Variants in ADAM12 observed in about 807,000 individuals in gnomAD.
ADAM12 encodes the protein disintegrin and metalloproteinase domain-containing protein 12.
Under a neutral mutation model 106.4 loss-of-function variants are expected in ADAM12, and 70 were observed. The observed-to-expected ratio is 0.66, with a 90% CI of 0.54 to 0.80. The LOEUF (loss-of-function observed/expected upper bound fraction) is 0.80, where lower values mean the gene tolerates loss of function less well. ADAM12 is among the 30% of genes least tolerant of loss of function. The probability of loss-of-function intolerance (pLI) is 0.00; values close to 1 mark genes in which losing one functional copy is unlikely to be tolerated. For missense variants in ADAM12, 1,010 were observed against 1,171.9 expected, an observed-to-expected ratio of 0.86 and a Z score of 2.02; for synonymous variants, 420 against 433.5, an observed-to-expected ratio of 0.97 and a Z score of 0.39.
chr10:126,132,524 A>ACC lies in ADAM12; in HGVS notation c.416+3058_416+3059dup, dbSNP rs35812837. ...ATTATCCCAGGAGTGCTGCATGAAC[A>ACC]CCCCCCCCCCCTCAACTAGTCCAGT... On this transcript the variant is annotated intron_variant, in intron 5 of 22. Transcript: ENST00000448723. Among the ~76,000 whole-genome samples, 70 of 120,974 alleles carry ACC rather than the reference A, an allele frequency of 5.8e-4. 2 individuals are homozygous for ACC. The highest frequency in any genetic ancestry group is 4.4e-3 in the Middle Eastern group (1 of 226). 79.4% of individuals were successfully genotyped at this position (120,974 alleles called of 152,430 possible). A position where few individuals can be genotyped will look rare whatever the true frequency, so the allele number is the denominator to read the frequency against.
At chr10:126,282,632 GT>G (rs1368651987) in intron 2 of ADAM12, among the ~76,000 whole-genome samples, 13 of 152,064 alleles carry the variant, frequency 8.5e-5, no homozygotes, top group African/African-American at 2.7e-4. Context: ...TATACATATG[GT>G]TGTATACAGC....
rs1220227274 is a variant in ADAM12, at chr10:126,071,652, T to A, written c.1148A>T (p.Tyr383Phe). 3 of 1,613,998 alleles carry A rather than the reference T, an allele frequency of 1.9e-6. No homozygotes were observed. Among genetic ancestry groups the A allele is most frequent in the Non-Finnish European group, 2.5e-6 (3 of 1,179,934 alleles). Reference sequence around the variant, plus strand: ...ACTGCTGAACACCATGGGAAATGGGTACCTGAGAAAGGAGAGCCCAGAACA... The same window carrying A: ...ACTGCTGAACACCATGGGAAATGGGAACCTGAGAAAGGAGAGCCCAGAACA... Reference protein sequence around the residue: ...GGCIMNASTGYPFPMVFSSCS... With the variant: ...GGCIMNASTGFPFPMVFSSCS... Residue 383 changes from tyrosine (Y) to phenylalanine (F), a missense_variant and splice_region_variant, in exon 12 of 23, where the codon TAC (tyrosine) becomes TTC (phenylalanine). Coordinates refer to ENST00000448723, the MANE Select transcript of ADAM12 (RefSeq NM_001288973.2).
chr10:126,320,732 T>C (rs1020680909), intron 2 of ADAM12, among the ~76,000 whole-genome samples: 1 of 152,180 alleles, frequency 6.6e-6, no homozygotes, highest in African/African-American at 2.4e-5. Flanking sequence ...ATCCTAATCC[T>C]TTCTGGAAGT....
chr10:126,158,831 G>A (rs1381530355), intron 3 of ADAM12, among the ~76,000 whole-genome samples: 2 of 148,102 alleles, frequency 1.4e-5, no homozygotes, highest in Admixed American at 6.7e-5. Context: ...GCAGAGCACG[G>A]GGAGTAGATG....
At chr10:126,068,238 T>C (rs552397738) in intron 12 of ADAM12, among the ~76,000 whole-genome samples, 1 of 152,324 alleles carries the variant, frequency 6.6e-6, no homozygotes, top group Admixed American at 6.5e-5. Context: ...TAAATCAGTG[T>C]CATCAAATGC....
intron 21 of ADAM12, 119 bp downstream of exon 21, chr10:126,036,027 A>T: frequency 1.1e-6 from 1 of 903,886 alleles, no homozygotes. Flanking sequence ...TGAGTAGCTG[A>T]ATTATCTCCA....
At chr10:126,309,732 G>A (rs1434796269) in intron 2 of ADAM12, among the ~76,000 whole-genome samples, 2 of 152,130 alleles carry the variant, frequency 1.3e-5, no homozygotes, top group African/African-American at 4.8e-5. Context: ...CAGTTTTAGG[G>A]GCTGGACTAG....
At chr10:126,146,472 C>T (rs10794062) in intron 4 of ADAM12, among the ~76,000 whole-genome samples, 49,537 of 151,964 alleles carry the variant, frequency 0.33, 8,376 homozygotes, top group Non-Finnish European at 0.37. Flanking sequence ...AGATAAGCTA[C>T]AAGTCTGCCT....
At chr10:126,299,841 G>A (rs1389306621) in intron 2 of ADAM12, among the ~76,000 whole-genome samples, 9 of 151,792 alleles carry the variant, frequency 5.9e-5, no homozygotes, top group Admixed American at 1.3e-4. Context: ...ACGGGGTTTC[G>A]CCATGTTGGC....
At chr10:126,318,934 T>C (rs1169477583) in intron 2 of ADAM12, among the ~76,000 whole-genome samples, 1 of 152,000 alleles carries the variant, frequency 6.6e-6, no homozygotes, top group East Asian at 1.9e-4. Flanking sequence ...AACTGCCCTT[T>C]AAAAAACCAG....
chr10:126,254,135 C>T (rs765287188), intron 3 of ADAM12, among the ~76,000 whole-genome samples: 4 of 152,160 alleles, frequency 2.6e-5, no homozygotes, highest in Non-Finnish European at 5.9e-5. Flanking sequence ...TGGGAGGCTC[C>T]GGAGGTGTGT....
At chr10:126,324,950 C>G (rs190954417) in intron 2 of ADAM12, among the ~76,000 whole-genome samples, 2 of 151,808 alleles carry the variant, frequency 1.3e-5, no homozygotes, top group Non-Finnish European at 2.9e-5. Flanking sequence ...GGGAACTCCA[C>G]GTGTGGTAGC....
At chr10:126,142,039 G>A (rs111447820) in intron 4 of ADAM12, among the ~76,000 whole-genome samples, 75 of 152,268 alleles carry the variant, frequency 4.9e-4, no homozygotes, top group African/African-American at 1.8e-3. Flanking sequence ...GGTAGGGCAG[G>A]AACTAAAATC....
At chr10:126,172,819 G>A (rs932297925) in intron 3 of ADAM12, among the ~76,000 whole-genome samples, 5 of 152,178 alleles carry the variant, frequency 3.3e-5, no homozygotes, top group African/African-American at 1.2e-4. Flanking sequence ...TATGTTTACT[G>A]CAGCATTGTT....
intron 16 of ADAM12, among the ~76,000 whole-genome samples, chr10:126,046,950 T>C (rs1954341726): frequency 6.6e-6 from 1 of 152,038 alleles, no homozygotes; most frequent in African/African-American, 2.4e-5. Flanking sequence ...GGGAACTTTT[T>C]CCAGATACTG....
Position 126,118,136 on chromosome 10 carries a change from G to C in ADAM12, c.505C>G (p.Leu169Val). The C allele has an allele frequency of 6.2e-7, 1 of 1,614,178 alleles. No homozygotes were observed. Among genetic ancestry groups the C allele is most frequent in the Admixed American group, 1.7e-5 (1 of 60,022 alleles). Residue 169 changes from leucine (L) to valine (V), a missense_variant, in exon 6 of 23, where the codon CTG (leucine) becomes GTG (valine). Leu to Val is a conservative substitution (Grantham distance 32). Coordinates refer to ENST00000448723, the MANE Select transcript of ADAM12 (RefSeq NM_001288973.2). ...NRYKLFPAKK[L>V]KSVRGSCGSH... Reference sequence around the variant, plus strand: ...CCACATGATCCCCGGACGCTTTTCAGCTTCTTCGCTGGGAAGAGTTTGTAT... The same window carrying C: ...CCACATGATCCCCGGACGCTTTTCACCTTCTTCGCTGGGAAGAGTTTGTAT...
chr10:126,021,013 A>G (rs902313141), intron 21 of ADAM12, among the ~76,000 whole-genome samples: 22 of 148,106 alleles, frequency 1.5e-4, no homozygotes, highest in Non-Finnish European at 2.8e-4. Flanking sequence ...AAAAAAAAAA[A>G]TGTAAGAACA....
intron 4 of ADAM12, among the ~76,000 whole-genome samples, chr10:126,140,608 G>A (rs745626635): frequency 1.1e-4 from 17 of 152,140 alleles, no homozygotes; most frequent in East Asian, 1.9e-4. Flanking sequence ...TAACAAGTCC[G>A]TTGTTCATTC....
chr10:126,375,103 C>T (rs1341266348), intron 1 of ADAM12, among the ~76,000 whole-genome samples: 3 of 152,036 alleles, frequency 2.0e-5, no homozygotes, highest in African/African-American at 7.2e-5. Context: ...GTTATCCATA[C>T]ATACCTAGAC....
Sources: gnomAD v4.1 joint callset for allele counts (sites outside exome capture counted in the v4.1 genomes callset) on GRCh38, gnomAD v4.1.1 for gene constraint, MANE v1.5 for transcripts, NCBI Gene and HGNC (gene_info 2026-07-23, HGNC 2026-07-21) for gene names.